Variants in LTBP2 observed in about 807,000 individuals in gnomAD.
LTBP2 encodes the protein latent-transforming growth factor beta-binding protein 2.
LTBP2 carries 103 observed loss-of-function variants against 210.6 expected under a neutral mutation model. The observed-to-expected ratio is 0.49, with a 90% CI of 0.42 to 0.58. The LOEUF (loss-of-function observed/expected upper bound fraction) is 0.58, where lower values mean the gene tolerates loss of function less well. Among genes scored for constraint, LTBP2 ranks in the 20% least tolerant of loss-of-function variants. The probability of loss-of-function intolerance (pLI) is 0.00; values close to 1 mark genes in which losing one functional copy is unlikely to be tolerated. For missense variants in LTBP2, 2,313 were observed against 2,494.5 expected (o/e 0.93, Z 1.55); for synonymous variants, 1,007 against 1,015.0 (o/e 0.99, Z 0.15).
Position 74,504,962 on chromosome 14 carries a change from C to A in LTBP2, c.4369+21G>T, listed in dbSNP as rs753230503. 103 of 1,612,862 alleles carry A rather than the reference C, an allele frequency of 6.4e-5. No homozygotes were observed. The East Asian group carries it at 1.9e-3, about 30-fold the overall frequency. Reference sequence around the variant, plus strand: ...CTTGCAGAGCTGACCCTTCGAGGATCTGGAACCCTTGGGGTCTTACCTGAG... The same window carrying A: ...CTTGCAGAGCTGACCCTTCGAGGATATGGAACCCTTGGGGTCTTACCTGAG... On this transcript the variant is annotated intron_variant, in intron 29 of 35. Coordinates refer to ENST00000261978, the MANE Select transcript of LTBP2 (RefSeq NM_000428.3).
intron 2 of LTBP2, among the ~76,000 whole-genome samples, chr14:74,596,855 G>T (rs1423910534): frequency 6.6e-6 from 1 of 152,194 alleles, no homozygotes; most frequent in East Asian, 1.9e-4. Context: ...AGGAAGGGAA[G>T]TCACGAGTTC....
intron 18 of LTBP2, among the ~76,000 whole-genome samples, chr14:74,514,167 G>A (rs2087106985): frequency 6.6e-6 from 1 of 152,232 alleles, no homozygotes; most frequent in Admixed American, 6.5e-5. Context: ...GTCACTGGAT[G>A]CAGAAATATT....
At position 74,498,799 on chromosome 14, in the gene LTBP2, A is replaced by G. The variant is rs1361676723; in HGVS notation, c.*2085T>C. The G allele has an allele frequency of 8.7e-6, 2 of 230,474 alleles. No homozygotes were observed. The highest frequency in any genetic ancestry group is 4.4e-5 in the African/African-American group (2 of 45,186). 14.3% of individuals were successfully genotyped at this position (230,474 alleles called of 1,614,324 possible). A position where few individuals can be genotyped will look rare whatever the true frequency, so the allele number is the denominator to read the frequency against. On this transcript the variant is annotated 3_prime_UTR_variant, in exon 36 of 36. Transcript: ENST00000261978. ...CTTCTCTTTCCCCATTCTTTAGACA[A>G]ATAGTGTTATGTTACATGCTGTTAT...
chr14:74,596,816 G>A (rs1204273486), intron 2 of LTBP2, among the ~76,000 whole-genome samples: 1 of 152,226 alleles, frequency 6.6e-6, no homozygotes, highest in Non-Finnish European at 1.5e-5. Flanking sequence ...AACAGAGTGA[G>A]TAAGACCTGC....
At chr14:74,544,647 G>C (rs2884550) in intron 8 of LTBP2, among the ~76,000 whole-genome samples, 38,577 of 152,060 alleles carry the variant, frequency 0.25, 6,172 homozygotes, top group Non-Finnish European at 0.35. Context: ...TCATGGGCAA[G>C]GGTCAGGACC....
At chr14:74,507,946 C>T (rs1465565616) in intron 25 of LTBP2, 27 bp downstream of exon 25, 2 of 1,611,772 alleles carry the variant, frequency 1.2e-6, no homozygotes, top group Non-Finnish European at 8.5e-7. Context: ...TGGGCAGAGC[C>T]CTGTGCCCTC....
At chr14:74,536,321 G>T (rs1051431720) in intron 8 of LTBP2, among the ~76,000 whole-genome samples, 5 of 152,192 alleles carry the variant, frequency 3.3e-5, no homozygotes, top group African/African-American at 1.2e-4. Flanking sequence ...AGGGCCTGGG[G>T]GAGAGGGGAG....
chr14:74,530,943 G>C (rs1469106665), intron 10 of LTBP2, among the ~76,000 whole-genome samples: 4 of 152,250 alleles, frequency 2.6e-5, no homozygotes, highest in Non-Finnish European at 4.4e-5. Flanking sequence ...GTGTGTGAGA[G>C]TGGCTTGTTA....
chr14:74,590,540 C>A (rs201171817), intron 2 of LTBP2, among the ~76,000 whole-genome samples: 1 of 151,880 alleles, frequency 6.6e-6, no homozygotes, highest in Non-Finnish European at 1.5e-5. Context: ...AGGAGTGAGC[C>A]GAGATCGTGC....
chr14:74,599,034 T>C (rs567629484), intron 2 of LTBP2, among the ~76,000 whole-genome samples: 3 of 152,248 alleles, frequency 2.0e-5, no homozygotes, highest in South Asian at 4.1e-4. Context: ...AAATGAACAA[T>C]ATGAAGTGCT....
Position 74,505,113 on chromosome 14 carries a change from G to A in LTBP2, c.4239C>T (p.Cys1413=). 1 of 1,613,942 alleles carries A rather than the reference G, an allele frequency of 6.2e-7. No homozygotes were observed. Among genetic ancestry groups the A allele is most frequent in the Non-Finnish European group, 8.5e-7 (1 of 1,180,034 alleles). The part of the protein sequence containing the change: ...DHAPAPTRMD[C]YSGQKGHAPC... ...GCGCATGGCCCTTCTGCCCGGAGTA[G>A]CAGTCCATGCGGGTGGGGGCCGGGG... The change falls in exon 29 of 36, where the codon TGC becomes TGT. Residue 1413 remains cysteine (C), a synonymous_variant. Transcript: ENST00000261978.
chr14:74,545,745 TG>T (rs1466015580), intron 8 of LTBP2, among the ~76,000 whole-genome samples: 1 of 152,228 alleles, frequency 6.6e-6, no homozygotes, highest in Non-Finnish European at 1.5e-5. Context: ...CTCCAGACTC[TG>T]GCAGGAGGAT....
At chr14:74,567,408 A>T (rs1209333810) in intron 3 of LTBP2, among the ~76,000 whole-genome samples, 4 of 152,088 alleles carry the variant, frequency 2.6e-5, no homozygotes, top group African/African-American at 9.7e-5. Flanking sequence ...CAGGCAAGAG[A>T]GCCAGAGCGA....
intron 3 of LTBP2, 58 bp downstream of exon 3, chr14:74,585,796 G>A (rs1317127703): frequency 1.2e-6 from 2 of 1,612,884 alleles, no homozygotes; most frequent in Non-Finnish European, 1.7e-6. Context: ...AAAGGAAGAA[G>A]CCCCTCCAAA....
At position 74,503,390 on chromosome 14, in the gene LTBP2, GT is replaced by G. The variant is rs2086939694; in HGVS notation, c.4721-5del. ...ATGTCGTGGTCAGGGAGGTCCTCTG[GT>G]GGCACAGGGCACGGAGGCACATGAG... is the stretch of plus-strand genomic sequence containing the variant. On this transcript the variant is annotated splice_polypyrimidine_tract_variant and splice_region_variant and intron_variant, in intron 32 of 35. Transcript: ENST00000261978. 3 of 1,612,072 alleles carry G rather than the reference GT, an allele frequency of 1.9e-6. No homozygotes were observed. Among genetic ancestry groups the G allele is most frequent in the Non-Finnish European group, 2.5e-6 (3 of 1,179,724 alleles).
At chr14:74,578,352 A>G (rs1017430701) in intron 3 of LTBP2, among the ~76,000 whole-genome samples, 8 of 152,224 alleles carry the variant, frequency 5.3e-5, no homozygotes, top group Non-Finnish European at 8.8e-5. Context: ...AAATTCTCCC[A>G]ACCATCGTAG....
chr14:74,528,925 G>A, intron 11 of LTBP2, 33 bp downstream of exon 11: 1 of 1,607,332 alleles, frequency 6.2e-7, no homozygotes, highest in African/African-American at 1.3e-5. Context: ...GAGCCCCTGG[G>A]CAGTGAAAGC....
intron 8 of LTBP2, among the ~76,000 whole-genome samples, chr14:74,538,235 G>C (rs1258037694): frequency 6.6e-6 from 1 of 152,028 alleles, no homozygotes; most frequent in East Asian, 1.9e-4. Flanking sequence ...TACACACTTA[G>C]CGCAAGGTTT....
chr14:74,528,470 C>T lies in LTBP2; in HGVS notation c.2368+13G>A. The T allele has an allele frequency of 1.9e-6, 3 of 1,611,650 alleles. No homozygotes were observed. Among genetic ancestry groups the T allele is most frequent in the Non-Finnish European group, 2.5e-6 (3 of 1,179,956 alleles). On this transcript the variant is annotated intron_variant, in intron 12 of 35. Coordinates refer to ENST00000261978, the MANE Select transcript of LTBP2 (RefSeq NM_000428.3). ...AAGGAAAATCCCTCAGGCATCTCCC[C>T]CAGCTCAGATACCCTTGTCAGGGAT...
Sources: gnomAD v4.1 joint callset for allele counts (sites outside exome capture counted in the v4.1 genomes callset) on GRCh38, gnomAD v4.1.1 for gene constraint, MANE v1.5 for transcripts, NCBI Gene and HGNC (gene_info 2026-07-23, HGNC 2026-07-21) for gene names.